The following ARL15 variants were observed in gnomAD, a reference collection of about 807,000 sequenced individuals.
The protein encoded by ARL15 is ARF like GTPase 15, also known as ADP-ribosylation factor-like protein 15.
In ARL15, 19 loss-of-function variants were observed where a neutral mutation model predicts 25.2. The observed-to-expected ratio is 0.75, with a 90% confidence interval of 0.53 to 1.10. The LOEUF (loss-of-function observed/expected upper bound fraction) is 1.10. ARL15 is among the 50% of genes least tolerant of loss of function. The pLI is 0.00. For missense variants in ARL15, 220 were observed against 246.0 expected (o/e 0.89, Z 0.71); for synonymous variants, 94 against 86.8 (o/e 1.08, Z -0.46).
At chr5:54,203,841 C>A (rs1427156406) in intron 1 of ARL15, among the ~76,000 whole-genome samples, 1 of 151,898 alleles carries the variant, frequency 6.6e-6, no homozygotes, top group African/African-American at 2.4e-5. Flanking sequence ...CATAAAACTA[C>A]CTTTTTTCAA....
chr5:54,212,442 CCCT>C (rs1756069962), intron 1 of ARL15, among the ~76,000 whole-genome samples: 1 of 152,024 alleles, frequency 6.6e-6, no homozygotes, highest in Non-Finnish European at 1.5e-5. Context: ...CAAGCAGACC[CCCT>C]CCCCCATAAG....
chr5:53,909,834 C>G (rs980353072), intron 4 of ARL15, among the ~76,000 whole-genome samples: 4 of 152,186 alleles, frequency 2.6e-5, no homozygotes, highest in African/African-American at 9.7e-5. Context: ...ACCTGGCTCA[C>G]AGTAGAAGCT....
At chr5:54,266,191 A>G (rs1445736093) in intron 1 of ARL15, among the ~76,000 whole-genome samples, 1 of 152,200 alleles carries the variant, frequency 6.6e-6, no homozygotes, top group African/African-American at 2.4e-5. Flanking sequence ...CCATATTTGA[A>G]CAACAGAATC....
chr5:53,950,667 C>T (rs1746914197), intron 4 of ARL15, among the ~76,000 whole-genome samples: 1 of 152,084 alleles, frequency 6.6e-6, no homozygotes, highest in African/African-American at 2.4e-5. Flanking sequence ...TCCCAATCTT[C>T]TCCATGCTTT....
intron 1 of ARL15, among the ~76,000 whole-genome samples, chr5:54,220,831 G>A (rs1029250285): frequency 2.6e-5 from 4 of 152,216 alleles, no homozygotes; most frequent in African/African-American, 7.2e-5. Context: ...TCCTCCTAAA[G>A]CACCCCCTTT....
Position 54,029,306 on chromosome 5 carries a change from T to TACCACCACC in ARL15, c.462+83887_462+83895dup, listed in dbSNP as rs1168500786. On this transcript the variant is annotated intron_variant, in intron 4 of 4. Transcript: ENST00000504924. The stretch of plus-strand genomic sequence containing the variant: ...AAAATAGTTAATTTATAAAAACAGT[T>TACCACCACC]ACCACCACCACCACCACCACCACCA... Among the ~76,000 whole-genome samples, 302 of 120,044 alleles carry TACCACCACC rather than the reference T, an allele frequency of 2.5e-3. 9 individuals carry two copies. Among genetic ancestry groups the TACCACCACC allele is most frequent in the African/African-American group, 8.0e-3 (256 of 32,002 alleles). 78.8% of individuals were successfully genotyped at this position (120,044 alleles called of 152,430 possible).
At chr5:54,246,684 G>A (rs1015185375) in intron 1 of ARL15, among the ~76,000 whole-genome samples, 30 of 151,890 alleles carry the variant, frequency 2.0e-4, no homozygotes, top group African/African-American at 5.8e-4. Context: ...CTATTCCTGC[G>A]ACCATCACCA....
rs57554255 is a variant in ARL15, at chr5:54,211,467, C to CTTTTT, written c.49-39544_49-39540dup. ...TTTTAGGCAGCGCTTAAATGAAACA[C>CTTTTT]TTTTTTTTTTTTTTTTTTTTGAGAC... On this transcript the variant is annotated intron_variant, in intron 1 of 4. Coordinates refer to ENST00000504924, the MANE Select transcript of ARL15 (RefSeq NM_019087.3). 1.4e-3 allele frequency among the ~76,000 whole-genome samples: 168 copies of CTTTTT among 119,562 alleles called. 6 individuals carry two copies. Among genetic ancestry groups the CTTTTT allele is most frequent in the Non-Finnish European group, 1.7e-3 (99 of 59,866 alleles). 78.4% of individuals were successfully genotyped at this position (119,562 alleles called of 152,430 possible).
chr5:54,041,365 A>G (rs1461589664), intron 4 of ARL15, among the ~76,000 whole-genome samples: 1 of 152,200 alleles, frequency 6.6e-6, no homozygotes, highest in Admixed American at 6.5e-5. Context: ...TCTGAAAACT[A>G]CATCTGCACA....
intron 4 of ARL15, among the ~76,000 whole-genome samples, chr5:53,899,508 T>C (rs1357661598): frequency 6.6e-6 from 1 of 152,098 alleles, no homozygotes; most frequent in African/African-American, 2.4e-5. Context: ...ATATTCTTTC[T>C]TCTGTCTGTT....
At chr5:54,284,255 C>T (rs1163997805) in intron 1 of ARL15, among the ~76,000 whole-genome samples, 1 of 152,180 alleles carries the variant, frequency 6.6e-6, no homozygotes, top group East Asian at 1.9e-4. Flanking sequence ...AGGAGCATGC[C>T]ACCATGCCCA....
chr5:54,196,130 A>G (rs900901278), intron 1 of ARL15, among the ~76,000 whole-genome samples: 1 of 152,178 alleles, frequency 6.6e-6, no homozygotes, highest in African/African-American at 2.4e-5. Context: ...ATACATGGTT[A>G]ATTTTAAACT....
At chr5:54,121,586 A>C (rs997866210) in intron 3 of ARL15, among the ~76,000 whole-genome samples, 2 of 152,202 alleles carry the variant, frequency 1.3e-5, no homozygotes, top group Non-Finnish European at 2.9e-5. Context: ...GTATGTTCTA[A>C]AACTTTCCAA....
chr5:53,899,347 CAAAAAAAAAAAAAAAAAAAAAAAAAAAA>C (rs59145507), intron 4 of ARL15, among the ~76,000 whole-genome samples: 24 of 89,396 alleles, frequency 2.7e-4, no homozygotes, highest in Admixed American at 8.4e-4. Flanking sequence ...GACTCTATCC[CAAAAAAAAAAAAAAAAAAAAAAAAAAAA>C]AAAAAAAAAA....
intron 4 of ARL15, among the ~76,000 whole-genome samples, chr5:54,085,243 C>A (rs766265449): frequency 6.6e-6 from 1 of 152,180 alleles, no homozygotes; most frequent in Non-Finnish European, 1.5e-5. Context: ...AAAGATACTA[C>A]AGAACAATCT....
chr5:54,196,233 C>G (rs1189879508), intron 1 of ARL15, among the ~76,000 whole-genome samples: 1 of 151,908 alleles, frequency 6.6e-6, no homozygotes, highest in African/African-American at 2.4e-5. Context: ...TTACTAAAGC[C>G]CCAAATCTTG....
intron 4 of ARL15, among the ~76,000 whole-genome samples, chr5:54,017,166 A>G (rs1384475087): frequency 6.6e-6 from 1 of 152,216 alleles, no homozygotes; most frequent in East Asian, 1.9e-4. Flanking sequence ...AATCTTCATC[A>G]GTATATTTGA....
chr5:54,113,302 T>C lies in ARL15; in HGVS notation c.362A>G (p.Asn121Ser). ...SSEDDLEAAR[N>S]ELHSALQHPQ... Reference sequence around the variant, plus strand: ...ATGCTGAAGAGCTGAGTGCAGCTCATTTCTAGCAGCTTCTAAATCATCCTC... The same window carrying C: ...ATGCTGAAGAGCTGAGTGCAGCTCACTTCTAGCAGCTTCTAAATCATCCTC... Residue 121 changes from asparagine (N) to serine (S), a missense_variant, in exon 4 of 5, where the codon AAT becomes AGT. By Grantham distance (46) the Asn-to-Ser change is conservative. Transcript: ENST00000504924. 1 of 1,613,992 alleles carries C rather than the reference T, an allele frequency of 6.2e-7. No homozygotes were observed. Among genetic ancestry groups the C allele is most frequent in the Non-Finnish European group, 8.5e-7 (1 of 1,179,874 alleles).
At chr5:54,239,709 T>A (rs1756904109) in intron 1 of ARL15, among the ~76,000 whole-genome samples, 1 of 152,158 alleles carries the variant, frequency 6.6e-6, no homozygotes, top group African/African-American at 2.4e-5. Context: ...CTTTCTACTG[T>A]CTGAAACGTG....
Sources: gnomAD v4.1 joint callset for allele counts (sites outside exome capture counted in the v4.1 genomes callset) on GRCh38, gnomAD v4.1.1 for gene constraint, MANE v1.5 for transcripts, NCBI Gene and HGNC (gene_info 2026-07-23, HGNC 2026-07-21) for gene names.